The following RXRA variants were observed in gnomAD, a reference collection of about 807,000 sequenced individuals.
The protein encoded by RXRA is retinoic acid receptor RXR-alpha.
Under a neutral mutation model 44.5 loss-of-function variants are expected in RXRA, and 5 were observed. That is an observed-to-expected ratio of 0.11 (90% CI 0.06 to 0.24). The LOEUF (loss-of-function observed/expected upper bound fraction) is 0.24, where lower values mean the gene tolerates loss of function less well. Among genes scored for constraint, RXRA ranks in the 10% least tolerant of loss-of-function variants. RXRA has a pLI of 1.00. For synonymous variants in RXRA, 291 were observed against 271.4 expected (o/e 1.07, Z -0.71); for missense variants, 412 against 646.5 (o/e 0.64, Z 3.93).
intron 1 of RXRA, among the ~76,000 whole-genome samples, chr9:134,344,938 G>A (rs969104605): frequency 9.2e-5 from 14 of 152,186 alleles, no homozygotes; most frequent in Non-Finnish European, 1.6e-4. Flanking sequence ...GTTGGGCAGC[G>A]GATGTAGAGT....
Position 134,429,151 on chromosome 9 carries a change from C to G in RXRA, c.954C>G (p.Ile318Met). The G allele has an allele frequency of 6.2e-7, 1 of 1,613,098 alleles. No homozygotes were observed. The highest frequency in any genetic ancestry group is 8.5e-7 in the Non-Finnish European group (1 of 1,179,984). The change falls in exon 7 of 10, where the codon ATC (isoleucine) becomes ATG (methionine). Residue 318 changes from isoleucine (I) to methionine (M), a missense_variant. Transcript: ENST00000481739. ...LLIASFSHRS[I>M]AVKDGILLAT... ...TCGCCTCCTTCTCCCACCGCTCCATCGCCGTGAAGGACGGGATCCTCCTGG... is the reference window on the plus strand; with the variant it reads ...TCGCCTCCTTCTCCCACCGCTCCATGGCCGTGAAGGACGGGATCCTCCTGG...
Position 134,343,063 on chromosome 9 carries a change from G to T in RXRA, c.28+16404G>T, listed in dbSNP as rs1208246766. Among the ~76,000 whole-genome samples the T allele has an allele frequency of 6.6e-6, 1 of 152,194 alleles. No homozygotes were observed. The highest frequency in any genetic ancestry group is 6.5e-5 in the Admixed American group (1 of 15,288). Reference sequence around the variant, plus strand: ...TTTCACCTGCCCAGCCCTGGGAGGTGTCTTGGACCCAGAGCATTTGGCCTT... The same window carrying T: ...TTTCACCTGCCCAGCCCTGGGAGGTTTCTTGGACCCAGAGCATTTGGCCTT... On this transcript the variant is annotated intron_variant, in intron 1 of 9. Transcript: ENST00000481739. This position sits in a 1 kb window ranked among gnomAD's most constrained non-coding sequence, Gnocchi z 4.1.
At chr9:134,425,806 G>A (rs988429087) in intron 6 of RXRA, 27 of 985,266 alleles carry the variant, frequency 2.7e-5, no homozygotes, top group Admixed American at 6.1e-5. Context: ...GACAGCAGCC[G>A]TGACTCTGGG....
rs566562349 is a variant in RXRA at position 134,361,212 on chromosome 9, A to G, written c.28+34553A>G. Reference sequence around the variant, plus strand: ...ATTCTGGAACCTTTTCCGGTTGGGCACTGGGTCTCGGAGCTGGGAGGGAAC... The same window carrying G: ...ATTCTGGAACCTTTTCCGGTTGGGCGCTGGGTCTCGGAGCTGGGAGGGAAC... On this transcript the variant is annotated intron_variant, in intron 1 of 9. Coordinates refer to ENST00000481739, the MANE Select transcript of RXRA (RefSeq NM_002957.6). Among the ~76,000 whole-genome samples the G allele has an allele frequency of 5.3e-5, 8 of 152,294 alleles. No individual in the cohort carries two copies. The South Asian group carries it at 1.5e-3, about 28-fold the overall frequency.
At chr9:134,326,687 C>CA in intron 1 of RXRA, 28 bp downstream of exon 1, 1 of 772,220 alleles carries the variant, frequency 1.3e-6, no homozygotes, top group Non-Finnish European at 1.6e-6. Flanking sequence ...CGGGCGGGGA[C>CA]GGGGCCGGGG....
chr9:134,402,138 T>G, intron 2 of RXRA: 1 of 529,654 alleles, frequency 1.9e-6, no homozygotes, highest in Admixed American at 3.6e-5. Flanking sequence ...ACGTGGCCCC[T>G]TCCCATGCCG....
chr9:134,419,021 T>A (rs1305354698), intron 5 of RXRA, among the ~76,000 whole-genome samples: 1 of 152,156 alleles, frequency 6.6e-6, no homozygotes, highest in Non-Finnish European at 1.5e-5. Flanking sequence ...TGCTCAGACC[T>A]CTACTCTGGC....
chr9:134,340,041 C>T lies in RXRA; in HGVS notation c.28+13382C>T, dbSNP rs558614092. Among the ~76,000 whole-genome samples the T allele has an allele frequency of 1.1e-3, 171 of 152,230 alleles. 2 individuals carry two copies. Among genetic ancestry groups the T allele is most frequent in the Middle Eastern group, 3.4e-3 (1 of 294 alleles). Reference sequence around the variant, plus strand: ...AGCCTGTATCTGTGTGCACCCATGTCTGTGTCCCTCTGTCCCTGTCCCTGT... The same window carrying T: ...AGCCTGTATCTGTGTGCACCCATGTTTGTGTCCCTCTGTCCCTGTCCCTGT... On this transcript the variant is annotated intron_variant, in intron 1 of 9. Transcript: ENST00000481739.
chr9:134,401,970 CCTCT>C, intron 2 of RXRA, 88 bp downstream of exon 2: 2 of 1,113,864 alleles, frequency 1.8e-6, no homozygotes, highest in Non-Finnish European at 1.3e-6. Context: ...CATCTTGAGG[CCTCT>C]GGGAGGTAGG....
At chr9:134,422,018 T>G in intron 6 of RXRA, 1 of 1,201,638 alleles carries the variant, frequency 8.3e-7, no homozygotes, top group Non-Finnish European at 1.0e-6. Context: ...CGGAACACAC[T>G]CCCCCCTCCC....
chr9:134,353,666 G>A (rs1328604370), intron 1 of RXRA, among the ~76,000 whole-genome samples: 1 of 152,234 alleles, frequency 6.6e-6, no homozygotes, highest in African/African-American at 2.4e-5. Context: ...TTTCCCCAGG[G>A]TGGCAGGGCA....
intron 1 of RXRA, among the ~76,000 whole-genome samples, chr9:134,328,082 C>CCCGAGT (rs1834944625): frequency 1.3e-5 from 2 of 152,174 alleles, no homozygotes; most frequent in Non-Finnish European, 2.9e-5. Flanking sequence ...GGGAATGCTG[C>CCCGAGT]GCTGTCTGTG....
rs1323717624 is a variant in RXRA at position 134,326,604 on chromosome 9, G to A, written c.-28G>A. On this transcript the variant is annotated 5_prime_UTR_variant, in exon 1 of 10. Transcript: ENST00000481739. ...GCGCCCGCCGCCCGCTGCCTGCGCC[G>A]CCGGCCGGGCATGAGTTAGTCGCAG... The A allele has an allele frequency of 4.2e-6, 4 of 950,864 alleles. No individual in the cohort carries two copies. Among genetic ancestry groups the A allele is most frequent in the Non-Finnish European group, 5.0e-6 (4 of 803,184 alleles). 58.9% of individuals were successfully genotyped at this position (950,864 alleles called of 1,614,324 possible).
At chr9:134,391,099 G>A (rs1830792689) in intron 1 of RXRA, among the ~76,000 whole-genome samples, 1 of 152,218 alleles carries the variant, frequency 6.6e-6, no homozygotes, top group East Asian at 1.9e-4. Context: ...GTGCTGCTCA[G>A]CGGGCCGTGG....
intron 4 of RXRA, among the ~76,000 whole-genome samples, chr9:134,414,916 A>C (rs1257339344): frequency 2.0e-5 from 3 of 152,058 alleles, no homozygotes; most frequent in African/African-American, 7.2e-5. Context: ...CCCGCCCCGG[A>C]TGAGCACCGC....
intron 1 of RXRA, among the ~76,000 whole-genome samples, chr9:134,382,125 T>TGGG (rs77219272): frequency 2.6e-5 from 4 of 151,748 alleles, no homozygotes; most frequent in Admixed American, 6.6e-5. Context: ...TGCCAGGATG[T>TGGG]GGGGGGGCGC....
At chr9:134,405,298 C>T (rs935700913) in intron 2 of RXRA, 2 of 152,302 alleles carry the variant, frequency 1.3e-5, no homozygotes, top group African/African-American at 4.8e-5. Flanking sequence ...GGTGGGTGGC[C>T]CCAGGGCCTG....
At chr9:134,348,150 A>G (rs1248099052) in intron 1 of RXRA, among the ~76,000 whole-genome samples, 1 of 152,130 alleles carries the variant, frequency 6.6e-6, no homozygotes, top group Non-Finnish European at 1.5e-5. Flanking sequence ...AGGGGAGTCG[A>G]GGGTGCCAGG....
chr9:134,354,442 G>A (rs1048213525), intron 1 of RXRA, among the ~76,000 whole-genome samples: 4 of 152,220 alleles, frequency 2.6e-5, no homozygotes, highest in Non-Finnish European at 4.4e-5. Context: ...GAACTCACCC[G>A]GGTTGGAGCC....
Sources: allele counts gnomAD v4.1 joint callset (sites outside exome capture counted in the v4.1 genomes callset), GRCh38; gene constraint gnomAD v4.1.1; non-coding constraint Gnocchi (gnomAD v3.1); transcripts MANE v1.5; gene names NCBI Gene and HGNC (gene_info 2026-07-23, HGNC 2026-07-21).